Variants in EXOC1L observed in about 807,000 individuals in gnomAD.
The protein encoded by EXOC1L is exocyst complex component 1 like.
In EXOC1L, 10 loss-of-function variants were observed where a neutral mutation model predicts 4.9. The ratio of observed to expected loss-of-function variants is 2.02; its 90% CI spans 1.25 to 3.43. The LOEUF (loss-of-function observed/expected upper bound fraction) is 3.43. Among genes scored for constraint, EXOC1L ranks in the 30% most tolerant of loss-of-function variants. The pLI is 0.00. For missense variants in EXOC1L, 114 were observed against 59.4 expected (o/e 1.92, Z -3.02); for synonymous variants, 41 against 20.8 (o/e 1.97, Z -2.63).
intron 1 of EXOC1L, among the ~76,000 whole-genome samples, chr4:55,831,123 A>G (rs1035855406): frequency 6.6e-6 from 1 of 152,128 alleles, no homozygotes; most frequent in Non-Finnish European, 1.5e-5. Context: ...TGTAAGCACA[A>G]CTGTAGCAAA....
In EXOC1L at chr4:55,837,147, T is replaced by A. The variant is rs1247450245; in HGVS notation, c.315T>A (p.Ala105=). Residue 105 remains alanine, a synonymous_variant, in exon 3 of 3, where the codon GCT becomes GCA. Transcript: ENST00000636125. ...ACAGTTTGGAAGCATATAGCTGTGC[T>A]TCTAAATATGCCTTTGCTCGAACTG... ...KVYSLEAYSC[A]SKYAFARTVN... is the part of the protein sequence containing the mutation. 1 of 701,924 alleles carries A rather than the reference T, an allele frequency of 1.4e-6. No individual in the cohort carries two copies. The highest frequency in any genetic ancestry group is 1.7e-5 in the African/African-American group (1 of 57,206). The allele number at this position is 701,924 out of a possible 1,614,324, so 43.5% of individuals were successfully genotyped here.
intron 1 of EXOC1L, among the ~76,000 whole-genome samples, chr4:55,826,329 G>T (rs970370196): frequency 6.6e-6 from 1 of 152,094 alleles, no homozygotes; most frequent in Non-Finnish European, 1.5e-5. Context: ...CAACTTACTT[G>T]TGAGCTACTG....
rs1434304037 is a variant in EXOC1L at position 55,837,324 on chromosome 4, C to T, written c.492C>T (p.Cys164=). ...GCTTTTACGCTTTCAATCTTGTGTG[C>T]TTGTCCCTATGTCCCTTGCCACTCT... is the stretch of plus-strand genomic sequence containing the variant. ...RICFYAFNLV[C]LSLCPLPL is the part of the protein sequence containing the mutation. Residue 164 remains cysteine, a synonymous_variant, in exon 3 of 3, where the codon TGC becomes TGT. Coordinates refer to ENST00000636125, the MANE Select transcript of EXOC1L (RefSeq NM_001351574.3). The T allele has an allele frequency of 2.6e-5, 17 of 644,976 alleles. 1 individual carries two copies. The highest frequency in any genetic ancestry group is 1.1e-4 in the South Asian group (6 of 56,932). 40.0% of individuals were successfully genotyped at this position (644,976 alleles called of 1,614,324 possible).
intron 2 of EXOC1L, among the ~76,000 whole-genome samples, chr4:55,834,547 T>C (rs568770335): frequency 6.6e-6 from 1 of 151,988 alleles, no homozygotes; most frequent in Non-Finnish European, 1.5e-5. Context: ...AATATTGCTC[T>C]GTTGCAATTA....
intron 1 of EXOC1L, among the ~76,000 whole-genome samples, chr4:55,829,182 A>G (rs1458783170): frequency 1.3e-5 from 2 of 152,158 alleles, no homozygotes; most frequent in East Asian, 1.9e-4. Context: ...GGTTACTACA[A>G]CAGCCTCTTA....
intron 2 of EXOC1L, among the ~76,000 whole-genome samples, chr4:55,836,434 A>T (rs1720167613): frequency 1.3e-5 from 2 of 151,952 alleles, no homozygotes; most frequent in Admixed American, 1.3e-4. Context: ...TATTAACAGT[A>T]ACAATTATTA....
At chr4:55,823,380 G>A (rs916466193) in intron 1 of EXOC1L, among the ~76,000 whole-genome samples, 4 of 152,116 alleles carry the variant, frequency 2.6e-5, no homozygotes, top group Non-Finnish European at 2.9e-5. Context: ...ACAACAGAGA[G>A]CACAATCTAA....
chr4:55,826,945 A>G (rs1385499319), intron 1 of EXOC1L, among the ~76,000 whole-genome samples: 1 of 152,086 alleles, frequency 6.6e-6, no homozygotes, highest in African/African-American at 2.4e-5. Context: ...AAATGTGATG[A>G]CTCGTAGGAC....
chr4:55,832,726 G>C (rs184935486), intron 2 of EXOC1L, among the ~76,000 whole-genome samples: 1 of 152,112 alleles, frequency 6.6e-6, no homozygotes, highest in East Asian at 1.9e-4. Context: ...CTTGCCCAAG[G>C]TGACATAGCT....
At chr4:55,822,061 G>A (rs370186886) in intron 1 of EXOC1L, among the ~76,000 whole-genome samples, 1 of 152,204 alleles carries the variant, frequency 6.6e-6, no homozygotes, top group African/African-American at 2.4e-5. Context: ...CACCTTCAGG[G>A]AGTAGAGTCA....
rs760366992 is a variant in EXOC1L, at chr4:55,837,194, A to T, written c.362A>T (p.Tyr121Phe). The change falls in exon 3 of 3, where the codon TAT (tyrosine) becomes TTT (phenylalanine). Residue 121 changes from tyrosine to phenylalanine, a missense_variant. Coordinates refer to ENST00000636125, the MANE Select transcript of EXOC1L (RefSeq NM_001351574.3). ...ACTGTAAATAAGCTGAATCATGCAT[A>T]TCTTAAAAAGGACTTACAGATCGTG... ...ARTVNKLNHA[Y>F]LKKDLQIVNF... 2 of 702,014 alleles carry T rather than the reference A, an allele frequency of 2.8e-6. No individual in the cohort carries two copies. The highest frequency in any genetic ancestry group is 2.6e-6 in the Non-Finnish European group (1 of 384,366). The allele number at this position is 702,014 out of a possible 1,614,324, so 43.5% of individuals were successfully genotyped here.
intron 1 of EXOC1L, among the ~76,000 whole-genome samples, chr4:55,830,118 C>T (rs968164068): frequency 6.6e-6 from 1 of 152,148 alleles, no homozygotes; most frequent in Non-Finnish European, 1.5e-5. Context: ...TTAACTACTC[C>T]GATCCTTTCC....
At chr4:55,824,937 A>C (rs142769308) in intron 1 of EXOC1L, among the ~76,000 whole-genome samples, 227 of 152,320 alleles carry the variant, frequency 1.5e-3, no homozygotes, top group African/African-American at 5.2e-3. Flanking sequence ...GGAGATCTAA[A>C]TGTGGAAATC....
intron 1 of EXOC1L, among the ~76,000 whole-genome samples, chr4:55,824,665 G>T (rs1006246727): frequency 1.3e-5 from 2 of 152,066 alleles, no homozygotes; most frequent in Non-Finnish European, 2.9e-5. Context: ...CCAGCCCTAT[G>T]CAGGAATTTA....
At position 55,831,402 on chromosome 4, in the gene EXOC1L, G is replaced by A. The variant is rs1448440423; in HGVS notation, c.190G>A (p.Glu64Lys). 2 of 693,260 alleles carry A rather than the reference G, an allele frequency of 2.9e-6. No homozygotes were observed. The highest frequency in any genetic ancestry group is 4.1e-5 in the Admixed American group (2 of 48,242). The allele number at this position is 693,260 out of a possible 1,614,324, so 42.9% of individuals were successfully genotyped here. The change falls in exon 2 of 3, where the codon GAA becomes AAA. Residue 64 changes from glutamate to lysine, a missense_variant. By Grantham distance (56) the Glu-to-Lys change is moderately conservative. Transcript: ENST00000636125. Reference protein sequence around the residue: ...HYRIGLDEKYEVTKKWSLNDL... With the variant: ...HYRIGLDEKYKVTKKWSLNDL... ...CAGAATAGGTTTAGATGAAAAATAT[G>A]AAGTAACAAAAAAGTGGTCTTTGAA... is the stretch of plus-strand genomic sequence containing the variant.
At chr4:55,836,708 G>C (rs7658345) in intron 2 of EXOC1L, among the ~76,000 whole-genome samples, 11,794 of 151,878 alleles carry the variant, frequency 0.078, 531 homozygotes, top group African/African-American at 0.093. Flanking sequence ...AACCAACCTC[G>C]TACTAAAAAG....
rs1719700230 is a variant in EXOC1L, at chr4:55,820,018, C to T, written c.-9C>T. 5.0e-6 allele frequency: 2 copies of T among 398,952 alleles called. No homozygotes were observed. The highest frequency in any genetic ancestry group is 7.1e-5 in the East Asian group (2 of 28,044). 24.7% of individuals were successfully genotyped at this position (398,952 alleles called of 1,614,324 possible). On this transcript the variant is annotated 5_prime_UTR_variant, in exon 1 of 3. Transcript: ENST00000636125. ...AGCCAAGACATCAGGCCAAGTGGAACTGGAGGAAATGTCATCATTGGTAAA... is the reference window on the plus strand; with the variant it reads ...AGCCAAGACATCAGGCCAAGTGGAATTGGAGGAAATGTCATCATTGGTAAA...
intron 1 of EXOC1L, among the ~76,000 whole-genome samples, chr4:55,823,265 T>C (rs1719792101): frequency 6.6e-6 from 1 of 152,092 alleles, no homozygotes; most frequent in African/African-American, 2.4e-5. Context: ...AACAATAAGA[T>C]TGTTAAATAA....
chr4:55,826,403 T>C (rs1719886682), intron 1 of EXOC1L, among the ~76,000 whole-genome samples: 1 of 152,238 alleles, frequency 6.6e-6, no homozygotes, highest in Non-Finnish European at 1.5e-5. Context: ...TTTAGCCTCA[T>C]GAATAATAGT....
Sources: allele counts gnomAD v4.1 joint callset (sites outside exome capture counted in the v4.1 genomes callset), GRCh38; gene constraint gnomAD v4.1.1; transcripts MANE v1.5; gene names NCBI Gene and HGNC (gene_info 2026-07-23, HGNC 2026-07-21).